Variants in RALGAPB observed in about 807,000 individuals in gnomAD.
The protein encoded by RALGAPB is Ral GTPase activating protein non-catalytic subunit beta.
RALGAPB carries 25 observed loss-of-function variants against 161.1 expected under a neutral mutation model. That is an observed-to-expected ratio of 0.16 (90% CI 0.11 to 0.22). The LOEUF (loss-of-function observed/expected upper bound fraction) is 0.22, where lower values mean the gene tolerates loss of function less well. Ranked by LOEUF, RALGAPB falls within the 10% of genes least tolerant of loss-of-function variation. The pLI is 1.00. For synonymous variants in RALGAPB, 629 were observed against 626.1 expected (o/e 1.00, Z -0.07); for missense variants, 1,391 against 1,815.2 (o/e 0.77, Z 4.25).
chr20:38,574,777 T>C lies in RALGAPB; in HGVS notation c.4295T>C (p.Phe1432Ser), dbSNP rs2088374629. 3 of 1,613,336 alleles carry C rather than the reference T, an allele frequency of 1.9e-6. No individual in the cohort carries two copies. The highest frequency in any genetic ancestry group is 2.2e-5 in the East Asian group (1 of 44,884). The part of the protein sequence containing the change: ...GMIVSRRALG[F>S]LVRQTVINIC... Reference sequence around the variant, plus strand: ...TTTAAAACTCTCTATTTTCAAGGCTTTCTGGTGAGGCAGACTGTAATTAAC... The same window carrying C: ...TTTAAAACTCTCTATTTTCAAGGCTCTCTGGTGAGGCAGACTGTAATTAAC... The change falls in exon 30 of 30, where the codon TTT (phenylalanine) becomes TCT (serine). Residue 1432 changes from phenylalanine to serine, a missense_variant. Physicochemically the swap from Phe to Ser is radical, Grantham distance 155 (BLOSUM62 -2). Around this residue, in one of 3 missense-constraint regions of RALGAPB, gnomAD observed 436 missense variants for 527.0 expected, o/e 0.83. Coordinates refer to ENST00000262879, the MANE Select transcript of RALGAPB (RefSeq NM_020336.4).
chr20:38,503,216 T>G (rs1451033294), intron 5 of RALGAPB, among the ~76,000 whole-genome samples: 1 of 152,226 alleles, frequency 6.6e-6, no homozygotes, highest in Non-Finnish European at 1.5e-5. Flanking sequence ...TATTTGTTAT[T>G]GGTAAGGCTT....
At chr20:38,491,595 T>C (rs2122883892) in intron 2 of RALGAPB, among the ~76,000 whole-genome samples, 1 of 152,350 alleles carries the variant, frequency 6.6e-6, no homozygotes, top group South Asian at 2.1e-4. Context: ...ATGGAGAGAA[T>C]AGCTTAAAAT....
Position 38,516,244 on chromosome 20 carries a change from C to G in RALGAPB, c.925C>G (p.Gln309Glu). The change falls in exon 7 of 30, where the codon CAG becomes GAG. Residue 309 changes from glutamine (Q) to glutamate (E), a missense_variant. Coordinates refer to ENST00000262879, the MANE Select transcript of RALGAPB (RefSeq NM_020336.4). ...PAIISSTPKF[Q>E]EQFLNVSGMP... is the part of the protein sequence containing the mutation. Reference sequence around the variant, plus strand: ...TATTATAAGCTCTACTCCCAAATTTCAGGAACAGTTCTTGAATGTGAGCGG... The same window carrying G: ...TATTATAAGCTCTACTCCCAAATTTGAGGAACAGTTCTTGAATGTGAGCGG... 6.2e-7 allele frequency: 1 copy of G among 1,612,708 alleles called. No homozygotes were observed. The highest frequency in any genetic ancestry group is 8.5e-7 in the Non-Finnish European group (1 of 1,179,152).
intron 3 of RALGAPB, among the ~76,000 whole-genome samples, chr20:38,496,541 A>G (rs2085432650): frequency 6.6e-6 from 1 of 152,168 alleles, no homozygotes; most frequent in South Asian, 2.1e-4. Flanking sequence ...ACTATTCTCA[A>G]AATTCTCAGT....
At position 38,539,805 on chromosome 20, in the gene RALGAPB, G is replaced by A. The variant is rs762172555; in HGVS notation, c.2409G>A (p.Arg803=). ...KVKVMVDSGD[R]KRAISSVCTY... ...AAGTGATGGTTGACTCAGGAGACCG[G>A]AAGCGAGCCATCAGTTCTGTGTGCA... Residue 803 remains arginine (R), a synonymous_variant, in exon 17 of 30, where the codon CGG becomes CGA. Coordinates refer to ENST00000262879, the MANE Select transcript of RALGAPB (RefSeq NM_020336.4). The A allele has an allele frequency of 3.7e-5, 59 of 1,613,780 alleles. No individual in the cohort carries two copies. In the Admixed American group the frequency reaches 9.5e-4, roughly 26 times the overall value.
intron 1 of RALGAPB, among the ~76,000 whole-genome samples, chr20:38,482,423 T>C (rs1321683484): frequency 8.6e-6 from 1 of 115,822 alleles, no homozygotes; most frequent in African/African-American, 2.8e-5. Flanking sequence ...GCTGTATGTT[T>C]ATCTTTTTTT....
intron 23 of RALGAPB, among the ~76,000 whole-genome samples, chr20:38,562,314 G>A (rs900772516): frequency 6.6e-6 from 1 of 152,160 alleles, no homozygotes; most frequent in Non-Finnish European, 1.5e-5. Context: ...TTAAGAAACT[G>A]AGGCAGTGGG....
intron 2 of RALGAPB, among the ~76,000 whole-genome samples, chr20:38,491,007 T>C (rs1031347215): frequency 1.3e-5 from 2 of 152,238 alleles, no homozygotes; most frequent in African/African-American, 4.8e-5. Flanking sequence ...TGGTTTTTCA[T>C]CTGATAATTA....
At position 38,509,389 on chromosome 20, in the gene RALGAPB, G is replaced by A. The variant is rs1263576753; in HGVS notation, c.872+181G>A. ...GCCTCCTGCTCTCCCCGTCCCAGCAGGGTTAGGCTGTCCTCAGCCGCTCTT... is the reference window on the plus strand; with the variant it reads ...GCCTCCTGCTCTCCCCGTCCCAGCAAGGTTAGGCTGTCCTCAGCCGCTCTT... On this transcript the variant is annotated intron_variant, in intron 6 of 29. Transcript: ENST00000262879. Among the ~76,000 whole-genome samples, 5 of 152,196 alleles carry A rather than the reference G, an allele frequency of 3.3e-5. No homozygotes were observed. The East Asian group carries it at 9.6e-4, about 29-fold the overall frequency.
At chr20:38,491,501 T>A (rs1424418245) in intron 2 of RALGAPB, among the ~76,000 whole-genome samples, 2 of 152,214 alleles carry the variant, frequency 1.3e-5, no homozygotes, top group Non-Finnish European at 2.9e-5. Flanking sequence ...TATGTCTCCA[T>A]CTTGTCCACA....
Position 38,558,284 on chromosome 20 carries a change from TTTG to T in RALGAPB, c.3373-10_3373-8del, listed in dbSNP as rs912146198. ...TAGGTAATAATTGCTCCTTTCTTCTTTTGGTGGCAGGAACCTGCAAATAGTCGT... is the reference window on the plus strand; with the variant it reads ...TAGGTAATAATTGCTCCTTTCTTCTTGTGGCAGGAACCTGCAAATAGTCGT... On this transcript the variant is annotated splice_region_variant and splice_polypyrimidine_tract_variant and intron_variant, in intron 22 of 29. Transcript: ENST00000262879. The T allele has an allele frequency of 6.7e-7, 1 of 1,491,464 alleles. No homozygotes were observed. The highest frequency in any genetic ancestry group is 9.0e-7 in the Non-Finnish European group (1 of 1,113,282). 92.4% of individuals were successfully genotyped at this position (1,491,464 alleles called of 1,614,324 possible).
intron 4 of RALGAPB, among the ~76,000 whole-genome samples, chr20:38,498,708 C>T (rs805538): frequency 0.065 from 9,891 of 152,274 alleles, 581 homozygotes; most frequent in African/African-American, 0.16. Flanking sequence ...ACTTTGCCTT[C>T]TGGAGCTATG....
chr20:38,532,670 CTTTA>C (rs1429961727), intron 14 of RALGAPB, 56 bp from the exon 15 acceptor site: 29 of 1,580,178 alleles, frequency 1.8e-5, no homozygotes, highest in African/African-American at 2.7e-5. Flanking sequence ...AATGATTGAC[CTTTA>C]TTTATGCTTG....
At chr20:38,566,169 G>C (rs2087990946) in intron 25 of RALGAPB, among the ~76,000 whole-genome samples, 1 of 152,040 alleles carries the variant, frequency 6.6e-6, no homozygotes. Context: ...AATGACTTTT[G>C]TTGTGCCCTA....
At chr20:38,496,186 T>G (rs891351332) in intron 3 of RALGAPB, among the ~76,000 whole-genome samples, 2 of 152,146 alleles carry the variant, frequency 1.3e-5, no homozygotes, top group African/African-American at 4.8e-5. Flanking sequence ...TAGGCAATTT[T>G]CTCATCATTT....
At chr20:38,473,680 G>A (rs985569297) in intron 1 of RALGAPB, among the ~76,000 whole-genome samples, 5 of 152,266 alleles carry the variant, frequency 3.3e-5, no homozygotes, top group South Asian at 4.1e-4. Flanking sequence ...AATTTGAACC[G>A]GAGCATCCGA....
chr20:38,473,292 A>C lies in RALGAPB; in HGVS notation c.-31+223A>C, dbSNP rs973960578. ...TGTCGAGTCTGTGTAAACCCGGTCT[A>C]ATCCTTGGGAGCTACCCCGGCCAGG... On this transcript the variant is annotated intron_variant, in intron 1 of 29. Transcript: ENST00000262879. Among the ~76,000 whole-genome samples, 85 of 152,024 alleles carry C rather than the reference A, an allele frequency of 5.6e-4. 1 individual carries two copies. The highest frequency in any genetic ancestry group is 1.7e-3 in the African/African-American group (71 of 41,406).
Position 38,574,132 on chromosome 20 carries a change from C to A in RALGAPB, c.4143-18C>A, listed in dbSNP as rs28452159. On this transcript the variant is annotated intron_variant, in intron 28 of 29. Transcript: ENST00000262879. ...TTCAACTCTTGGGTGTCTGAGATAA[C>A]AATTTTCTTTTCTTAAGATCTACAA... 0.013 allele frequency: 21,423 copies of A among 1,594,760 alleles called. 2,556 individuals carry two copies. The African/African-American group carries it at 0.26, about 19-fold the overall frequency.
intron 1 of RALGAPB, among the ~76,000 whole-genome samples, chr20:38,481,015 C>T (rs1021770508): frequency 6.6e-6 from 1 of 152,066 alleles, no homozygotes; most frequent in African/African-American, 2.4e-5. Context: ...GGATTACAGG[C>T]GTGACCCACT....
Sources: allele counts gnomAD v4.1 joint callset (sites outside exome capture counted in the v4.1 genomes callset), GRCh38; gene constraint gnomAD v4.1.1; regional missense constraint gnomAD v4.1.1; transcripts MANE v1.5; gene names NCBI Gene and HGNC (gene_info 2026-07-23, HGNC 2026-07-21).